Variants in ADAMTS16 observed in about 807,000 individuals in gnomAD.
ADAMTS16 encodes ADAM metallopeptidase with thrombospondin type 1 motif 16.
A neutral mutation model predicts 145.8 loss-of-function variants in ADAMTS16; 94 were observed. The observed-to-expected ratio is 0.64, with a 90% CI of 0.55 to 0.77. The LOEUF is 0.77. Among genes scored for constraint, ADAMTS16 ranks in the 30% least tolerant of loss-of-function variants. ADAMTS16 has a pLI of 0.00. For synonymous variants in ADAMTS16, 659 were observed against 604.3 expected (o/e 1.09, Z -1.33); for missense variants, 1,585 against 1,591.5 (o/e 1.00, Z 0.07).
intron 14 of ADAMTS16, among the ~76,000 whole-genome samples, chr5:5,237,774 C>T (rs10056297): frequency 0.013 from 1,993 of 151,918 alleles, 37 homozygotes; most frequent in African/African-American, 0.044. Context: ...CTGAGGAGGG[C>T]GGGCAGACAG....
intron 3 of ADAMTS16, among the ~76,000 whole-genome samples, chr5:5,152,944 A>T (rs188268326): frequency 7.9e-5 from 12 of 152,354 alleles, no homozygotes; most frequent in African/African-American, 2.9e-4. Context: ...AACATATTTT[A>T]CAGATTATGA....
intron 6 of ADAMTS16, among the ~76,000 whole-genome samples, chr5:5,189,274 C>T (rs1400335990): frequency 6.6e-6 from 1 of 152,184 alleles, no homozygotes; most frequent in Non-Finnish European, 1.5e-5. Context: ...TGGTCTGATG[C>T]ATGTTCTTCT....
chr5:5,295,956 T>C (rs1300170024), intron 18 of ADAMTS16, among the ~76,000 whole-genome samples: 2 of 152,234 alleles, frequency 1.3e-5, no homozygotes, highest in African/African-American at 4.8e-5. Flanking sequence ...TTTAAGATCT[T>C]GCCCTAAGGG....
chr5:5,231,627 T>C (rs2913622), intron 11 of ADAMTS16, among the ~76,000 whole-genome samples: 150,882 of 152,300 alleles, frequency 0.99, 74,754 homozygotes, highest in Middle Eastern at 1. Context: ...TAGAAGTTCA[T>C]ACCAAACCAC....
chr5:5,275,188 T>G (rs972709727), intron 18 of ADAMTS16, among the ~76,000 whole-genome samples: 2 of 152,214 alleles, frequency 1.3e-5, no homozygotes, highest in African/African-American at 4.8e-5. Flanking sequence ...TTAGGCACCA[T>G]TGCTCTATTC....
chr5:5,250,086 G>A (rs1002738813), intron 17 of ADAMTS16, among the ~76,000 whole-genome samples: 1 of 152,106 alleles, frequency 6.6e-6, no homozygotes, highest in Non-Finnish European at 1.5e-5. Flanking sequence ...TGAGGTTTGG[G>A]GTTCTTATGG....
chr5:5,299,011 T>A (rs1739660399), intron 18 of ADAMTS16, among the ~76,000 whole-genome samples: 1 of 152,112 alleles, frequency 6.6e-6, no homozygotes, highest in African/African-American at 2.4e-5. Flanking sequence ...TGTATTCTAA[T>A]GTTGCGTCTC....
At chr5:5,271,839 G>A (rs1579364099) in intron 18 of ADAMTS16, among the ~76,000 whole-genome samples, 1 of 152,188 alleles carries the variant, frequency 6.6e-6, no homozygotes, top group East Asian at 1.9e-4. Flanking sequence ...CTGTAGCCCC[G>A]TCTCCACTTG....
rs1400711546 is a variant in ADAMTS16 at position 5,239,189 on chromosome 5, T to G, written c.2193T>G (p.Val731=). 6.3e-7 allele frequency: 1 copy of G among 1,595,024 alleles called. No homozygotes were observed. Among genetic ancestry groups the G allele is most frequent in the Non-Finnish European group, 8.5e-7 (1 of 1,171,884 alleles). Residue 731 remains valine, a synonymous_variant, in exon 15 of 23, where the codon GTT becomes GTG. Transcript: ENST00000274181. ...GCDNVLGSDA[V]EDVCGVCNGN... The stretch of plus-strand genomic sequence containing the variant: ...ACAATGTCCTTGGATCTGATGCTGT[T>G]GAAGACGTCTGTGGGGTGTGTAACG...
intron 20 of ADAMTS16, among the ~76,000 whole-genome samples, chr5:5,306,144 C>G (rs1740144707): frequency 6.6e-6 from 1 of 152,200 alleles, no homozygotes; most frequent in Non-Finnish European, 1.5e-5. Flanking sequence ...TGGGTTAATC[C>G]ATGGACCCGT....
intron 3 of ADAMTS16, among the ~76,000 whole-genome samples, chr5:5,155,197 G>A (rs1159082681): frequency 1.3e-5 from 2 of 152,052 alleles, no homozygotes; most frequent in Non-Finnish European, 2.9e-5. Context: ...AGTCCACTGG[G>A]TCTAGACAGG....
chr5:5,200,073 A>G (rs1463533850), intron 8 of ADAMTS16, 59 bp from the exon 9 acceptor site: 3 of 1,522,014 alleles, frequency 2.0e-6, no homozygotes, highest in African/African-American at 1.4e-5. Flanking sequence ...AGAGGGTATC[A>G]GATAATTTAA....
chr5:5,148,166 T>G (rs990514045), intron 3 of ADAMTS16, among the ~76,000 whole-genome samples: 1 of 152,268 alleles, frequency 6.6e-6, no homozygotes, highest in African/African-American at 2.4e-5. Flanking sequence ...TTTATATGTC[T>G]TCTTCATTAA....
chr5:5,319,499 G>A lies in ADAMTS16; in HGVS notation c.*361G>A. ...AGGCTGAACTTGCTAAATGTCTGGT[G>A]CCTTAGAAAAAGAAGGAAAGGCCAT... On this transcript the variant is annotated 3_prime_UTR_variant, in exon 23 of 23. Transcript: ENST00000274181. The A allele has an allele frequency of 6.6e-6, 2 of 302,768 alleles. No homozygotes were observed. Among genetic ancestry groups the A allele is most frequent in the Non-Finnish European group, 1.3e-5 (2 of 158,930 alleles). 18.8% of individuals were successfully genotyped at this position (302,768 alleles called of 1,614,324 possible). A position where few individuals can be genotyped will look rare whatever the true frequency, so the allele number is the denominator to read the frequency against.
chr5:5,179,341 AG>A (rs957464206), intron 3 of ADAMTS16, among the ~76,000 whole-genome samples: 2 of 151,710 alleles, frequency 1.3e-5, no homozygotes, highest in Admixed American at 6.6e-5. Flanking sequence ...TCATCTTCTG[AG>A]GGGGGGTTTG....
chr5:5,252,173 C>T (rs552129612), intron 17 of ADAMTS16, among the ~76,000 whole-genome samples: 3 of 152,238 alleles, frequency 2.0e-5, no homozygotes, highest in South Asian at 2.1e-4. Context: ...TACTACATCC[C>T]CGTGTCTACA....
At chr5:5,254,622 T>C (rs1579344844) in intron 17 of ADAMTS16, among the ~76,000 whole-genome samples, 1 of 152,320 alleles carries the variant, frequency 6.6e-6, no homozygotes, top group East Asian at 1.9e-4. Flanking sequence ...GGTAAATTTA[T>C]GAAATGCTGA....
In ADAMTS16 at chr5:5,232,542, C is replaced by T. The variant is rs892974841; in HGVS notation, c.1850+26C>T. The T allele has an allele frequency of 6.2e-6, 10 of 1,607,616 alleles. No individual in the cohort carries two copies. In the East Asian group the frequency reaches 2.0e-4, roughly 32 times the overall value. On this transcript the variant is annotated intron_variant, in intron 12 of 22. Transcript: ENST00000274181. ...GTAAGTATGCCTTGACCTCCTTCCT[C>T]ACAAACGACTGATTTCCATGCCATG...
chr5:5,159,888 C>A (rs537572144), intron 3 of ADAMTS16, among the ~76,000 whole-genome samples: 4 of 152,312 alleles, frequency 2.6e-5, no homozygotes, highest in African/African-American at 9.6e-5. Context: ...CCCAGAATAA[C>A]CAGCATTTTG....
Sources: gnomAD v4.1 joint callset for allele counts (sites outside exome capture counted in the v4.1 genomes callset) on GRCh38, gnomAD v4.1.1 for gene constraint, MANE v1.5 for transcripts, NCBI Gene and HGNC (gene_info 2026-07-23, HGNC 2026-07-21) for gene names.